SFXN5: variants seen among roughly 807,000 people sequenced by gnomAD.
SFXN5 encodes sideroflexin 5.
Under a neutral mutation model 50.2 loss-of-function variants are expected in SFXN5, and 43 were observed. The ratio of observed to expected loss-of-function variants is 0.86; its 90% confidence interval spans 0.67 to 1.11. The LOEUF is 1.11. SFXN5 is among the 50% of genes least tolerant of loss of function. The probability of loss-of-function intolerance (pLI) is 0.00; values close to 1 mark genes in which losing one functional copy is unlikely to be tolerated. For missense variants in SFXN5, 463 were observed against 454.1 expected (o/e 1.02, Z -0.18); for synonymous variants, 203 against 185.8 (o/e 1.09, Z -0.75).
At chr2:72,962,910 A>G (rs1185191135) in intron 12 of SFXN5, among the ~76,000 whole-genome samples, 4 of 152,072 alleles carry the variant, frequency 2.6e-5, no homozygotes, top group Non-Finnish European at 4.4e-5. Flanking sequence ...AGGTGCCTAA[A>G]TCAAGCCCAA....
intron 1 of SFXN5, 144 bp from the exon 2 acceptor site, chr2:73,058,740 A>G: frequency 2.8e-6 from 2 of 720,634 alleles, no homozygotes; most frequent in South Asian, 3.5e-5. Flanking sequence ...ATGAGGCCTC[A>G]GAAATCTAAG....
chr2:72,990,492 C>G (rs1318264729), intron 9 of SFXN5, among the ~76,000 whole-genome samples: 1 of 152,148 alleles, frequency 6.6e-6, no homozygotes, highest in Admixed American at 6.5e-5. Flanking sequence ...CTGGAGGACA[C>G]GCAGACGGGC....
chr2:73,061,430 A>G (rs935481001), intron 1 of SFXN5, among the ~76,000 whole-genome samples: 1 of 152,192 alleles, frequency 6.6e-6, no homozygotes, highest in South Asian at 2.1e-4. Context: ...TAAAACCTGG[A>G]AATGTAGATA....
At chr2:73,069,842 A>G (rs1683447378) in intron 1 of SFXN5, among the ~76,000 whole-genome samples, 1 of 152,120 alleles carries the variant, frequency 6.6e-6, no homozygotes, top group Admixed American at 6.5e-5. Context: ...AAAAGGAAAC[A>G]CAAATCTTTT....
At chr2:72,999,257 G>A (rs1156346841) in intron 8 of SFXN5, among the ~76,000 whole-genome samples, 1 of 152,182 alleles carries the variant, frequency 6.6e-6, no homozygotes. Context: ...CCCTGTTCTA[G>A]AAAGGTCACT....
intron 13 of SFXN5, among the ~76,000 whole-genome samples, chr2:72,958,299 A>C (rs1369772186): frequency 6.6e-6 from 1 of 152,122 alleles, no homozygotes; most frequent in Non-Finnish European, 1.5e-5. Context: ...ACAGGAAATG[A>C]TCAGGTGTAG....
rs1673913903 is a variant in SFXN5 at position 73,001,543 on chromosome 2, T to C, written c.393A>G (p.Ala131=). Residue 131 remains alanine (A), a synonymous_variant, in exon 7 of 14, where the codon GCA becomes GCG. Transcript: ENST00000272433. ...VGLLLPNQTL[A]STVFWQWLNQ... ...CTGTTACCTGCCAGAAGACAGTGGA[T>C]GCCAGTGTCTGGTTGGGCAAGAGAA... 1 of 1,614,158 alleles carries C rather than the reference T, an allele frequency of 6.2e-7. No individual in the cohort carries two copies. Among genetic ancestry groups the C allele is most frequent in the Non-Finnish European group, 8.5e-7 (1 of 1,180,018 alleles).
chr2:72,968,812 C>CT (rs1006565630), intron 11 of SFXN5, among the ~76,000 whole-genome samples: 11 of 143,768 alleles, frequency 7.7e-5, no homozygotes, highest in Admixed American at 5.6e-4. Context: ...TTCTTTCTTT[C>CT]TTTTTTTTGA....
chr2:73,071,435 T>G (rs1018484536), intron 1 of SFXN5, 169 bp downstream of exon 1: 6 of 619,408 alleles, frequency 9.7e-6, no homozygotes, highest in African/African-American at 9.4e-5. Context: ...GCCCGCCCCG[T>G]TGACCAATGG....
At chr2:72,994,016 T>A (rs562997027) in intron 9 of SFXN5, among the ~76,000 whole-genome samples, 69 of 152,284 alleles carry the variant, frequency 4.5e-4, no homozygotes, top group Non-Finnish European at 8.8e-4. Flanking sequence ...GGGAAGGACT[T>A]GTCTGCCAGG....
In SFXN5 at chr2:72,992,841, A is replaced by G. The variant is rs1672762644; in HGVS notation, c.535-4493T>C. On this transcript the variant is annotated intron_variant, in intron 9 of 13. Coordinates refer to ENST00000272433, the MANE Select transcript of SFXN5 (RefSeq NM_144579.3). This position sits in a 1 kb window ranked among gnomAD's most constrained non-coding sequence, Gnocchi z 4.5. ...CGACTTGCTTAAAGCCTTCGGTGACACTGGAGGAGCCACACGGCCCTGCGG... is the reference window on the plus strand; with the variant it reads ...CGACTTGCTTAAAGCCTTCGGTGACGCTGGAGGAGCCACACGGCCCTGCGG... Among the ~76,000 whole-genome samples, 2 of 152,140 alleles carry G rather than the reference A, an allele frequency of 1.3e-5. No individual in the cohort carries two copies. The highest frequency in any genetic ancestry group is 4.8e-5 in the African/African-American group (2 of 41,424).
chr2:72,978,434 C>G (rs777772388), intron 10 of SFXN5, among the ~76,000 whole-genome samples: 2 of 151,972 alleles, frequency 1.3e-5, no homozygotes, highest in African/African-American at 4.8e-5. Context: ...AGGCGCCCAC[C>G]ACCATGCCCA....
At chr2:73,030,052 A>G (rs1257768313) in intron 3 of SFXN5, among the ~76,000 whole-genome samples, 5 of 152,156 alleles carry the variant, frequency 3.3e-5, no homozygotes, top group Non-Finnish European at 7.4e-5. Flanking sequence ...ATCCTAGGCG[A>G]CAGGAGTGAA....
chr2:73,046,488 C>T (rs1346429228), intron 2 of SFXN5, among the ~76,000 whole-genome samples: 3 of 151,326 alleles, frequency 2.0e-5, no homozygotes, highest in Non-Finnish European at 4.4e-5. Flanking sequence ...ATCTGTTAGA[C>T]CAAAAAGTCT....
At chr2:73,004,321 A>ACACG (rs1674329083) in intron 6 of SFXN5, among the ~76,000 whole-genome samples, 1 of 137,874 alleles carries the variant, frequency 7.3e-6, no homozygotes, top group Admixed American at 6.8e-5. Flanking sequence ...GCGCGCACAC[A>ACACG]CACACACACA....
intron 11 of SFXN5, among the ~76,000 whole-genome samples, chr2:72,970,711 G>A (rs1402483937): frequency 1.3e-5 from 2 of 151,258 alleles, no homozygotes; most frequent in East Asian, 1.9e-4. Context: ...TTTTTGAGAC[G>A]GAGTTTCGCT....
intron 10 of SFXN5, among the ~76,000 whole-genome samples, chr2:72,984,129 C>T (rs1191055803): frequency 6.6e-6 from 1 of 152,232 alleles, no homozygotes; most frequent in South Asian, 2.1e-4. Flanking sequence ...CAATCGATTC[C>T]GATGCCAGCA....
rs199692871 is a variant in SFXN5, at chr2:72,971,603, G to T, written c.708C>A (p.Asn236Lys). The T allele has an allele frequency of 3.7e-4, 597 of 1,613,754 alleles. 1 individual carries two copies. Among genetic ancestry groups the T allele is most frequent in the Non-Finnish European group, 4.8e-4 (569 of 1,179,902 alleles). The change falls in exon 11 of 14, where the codon AAC (asparagine) becomes AAA (lysine). Residue 236 changes from asparagine to lysine, a missense_variant. Physicochemically the swap from Asn to Lys is moderately conservative, Grantham distance 94. Transcript: ENST00000272433. ...CTGCGATCTTGGAGGAGCCCACGAG[G>T]TTGCCATCGCTGTCCAGGACATCAA... ...EGIDVLDSDG[N>K]LVGSSKIAAR...
chr2:73,052,558 T>C (rs868261635), intron 2 of SFXN5, among the ~76,000 whole-genome samples: 7 of 149,578 alleles, frequency 4.7e-5, no homozygotes, highest in Admixed American at 2.6e-4. Flanking sequence ...TAGTTTCAGA[T>C]TGTGACACGA....
Sources: gnomAD v4.1 joint callset for allele counts (sites outside exome capture counted in the v4.1 genomes callset) on GRCh38, gnomAD v4.1.1 for gene constraint, Gnocchi (gnomAD v3.1) non-coding constraint, MANE v1.5 for transcripts, NCBI Gene and HGNC (gene_info 2026-07-23, HGNC 2026-07-21) for gene names.